IST1: variants seen among roughly 807,000 people sequenced by gnomAD.
IST1 encodes IST1 factor associated with ESCRT-III, also known as IST1 homolog.
A neutral mutation model predicts 37.0 loss-of-function variants in IST1; 23 were observed. The observed-to-expected ratio is 0.62, with a 90% CI of 0.45 to 0.88. The LOEUF (loss-of-function observed/expected upper bound fraction) is 0.88. IST1 is among the 40% of genes least tolerant of loss of function. The pLI, the probability that IST1 is intolerant of heterozygous loss-of-function variation, is 0.00. For synonymous variants in IST1, 180 were observed against 161.7 expected, an observed-to-expected ratio of 1.11 and a Z score of -0.86; for missense variants, 488 against 445.4, an observed-to-expected ratio of 1.10 and a Z score of -0.86.
intron 2 of IST1, 59 bp from the exon 3 acceptor site, chr16:71,916,403 C>T (rs1204978640): frequency 3.9e-6 from 6 of 1,554,992 alleles, no homozygotes; most frequent in Non-Finnish European, 5.3e-6. Flanking sequence ...GGAGATTGGC[C>T]TGTAGGCCAG....
intron 1 of IST1, 30 bp downstream of exon 1, chr16:71,895,619 C>T (rs2142509140): frequency 1.1e-6 from 1 of 870,004 alleles, no homozygotes; most frequent in Non-Finnish European, 1.4e-6. Flanking sequence ...CGTCAGAGGT[C>T]TCTGTCTTCC....
chr16:71,921,500 CCTT>C lies in IST1; in HGVS notation c.552+51_552+53del. Reference sequence around the variant, plus strand: ...AAGAAAAATGAGTTTGTAGGTATGACCTTCTTTGGAAAACAAAAAAAACATTCT... The same window carrying C: ...AAGAAAAATGAGTTTGTAGGTATGACCTTTGGAAAACAAAAAAAACATTCT... On this transcript the variant is annotated intron_variant, in intron 6 of 9. Coordinates refer to ENST00000378799, the MANE Select transcript of IST1 (RefSeq NM_001270975.2). The C allele has an allele frequency of 5.5e-6, 6 of 1,090,992 alleles. 1 individual carries two copies. The highest frequency in any genetic ancestry group is 8.1e-6 in the Non-Finnish European group (6 of 739,740). The allele number at this position is 1,090,992 out of a possible 1,614,324, so 67.6% of individuals were successfully genotyped here.
Position 71,915,628 on chromosome 16 carries a change from G to A in IST1, c.-13G>A, listed in dbSNP as rs1178569820. 1 of 1,599,180 alleles carries A rather than the reference G, an allele frequency of 6.3e-7. No homozygotes were observed. On this transcript the variant is annotated splice_region_variant and 5_prime_UTR_variant, in exon 2 of 10. Coordinates refer to ENST00000378799, the MANE Select transcript of IST1 (RefSeq NM_001270975.2). ...CATTGTGCTTCTTCTGTTTCTAGGA[G>A]GAACAGCACAGCATGCTGGGCTCTG...
intron 1 of IST1, among the ~76,000 whole-genome samples, chr16:71,913,170 G>A (rs1567467124): frequency 6.6e-6 from 1 of 152,014 alleles, no homozygotes; most frequent in Non-Finnish European, 1.5e-5. Flanking sequence ...TTTAATTTTT[G>A]AGGAACCGCC....
chr16:71,910,601 G>A (rs573097504), intron 1 of IST1, among the ~76,000 whole-genome samples: 1 of 137,646 alleles, frequency 7.3e-6, no homozygotes, highest in East Asian at 2.1e-4. Context: ...GCAAGACTCT[G>A]TCTCAAAAAA....
chr16:71,904,510 T>G (rs2037177558), intron 1 of IST1, among the ~76,000 whole-genome samples: 2 of 152,208 alleles, frequency 1.3e-5, no homozygotes, highest in Non-Finnish European at 2.9e-5. Flanking sequence ...CCTCCTGGGC[T>G]TAAGCAGTTC....
chr16:71,897,485 A>G (rs924209252), intron 1 of IST1, among the ~76,000 whole-genome samples: 1 of 152,170 alleles, frequency 6.6e-6, no homozygotes, highest in African/African-American at 2.4e-5. Context: ...TTCTTGTAAG[A>G]TAATCAGAAT....
rs1258102401 is a variant in IST1 at position 71,928,151 on chromosome 16, A to G, written c.*338A>G. ...GGGAAGCACTGTGGGAAGACCACCA[A>G]AGATGGCTGGACAGTGGGAGAGAGC... On this transcript the variant is annotated 3_prime_UTR_variant, in exon 10 of 10. Transcript: ENST00000378799. 2 of 332,520 alleles carry G rather than the reference A, an allele frequency of 6.0e-6. No homozygotes were observed. Among genetic ancestry groups the G allele is most frequent in the Non-Finnish European group, 1.2e-5 (2 of 173,706 alleles). The allele number at this position is 332,520 out of a possible 1,614,324, so 20.6% of individuals were successfully genotyped here.
At chr16:71,898,337 AC>A (rs2037022710) in intron 1 of IST1, among the ~76,000 whole-genome samples, 1 of 141,532 alleles carries the variant, frequency 7.1e-6, no homozygotes, top group Non-Finnish European at 1.5e-5. Flanking sequence ...AGATTGCACC[AC>A]CTGCCTGGTG....
chr16:71,926,273 C>T (rs1433468219), intron 9 of IST1, among the ~76,000 whole-genome samples: 1 of 151,858 alleles, frequency 6.6e-6, no homozygotes, highest in East Asian at 1.9e-4. Flanking sequence ...CAGAGTGAGA[C>T]TTTGTCTAAA....
chr16:71,920,197 A>G (rs1208758708), intron 4 of IST1, among the ~76,000 whole-genome samples: 1 of 152,232 alleles, frequency 6.6e-6, no homozygotes, highest in Non-Finnish European at 1.5e-5. Context: ...AACATTCCCA[A>G]ATAAGGAAGG....
At position 71,928,694 on chromosome 16, in the gene IST1, G is replaced by C. The variant is rs1448770100; in HGVS notation, c.*881G>C. 6.6e-6 allele frequency: 1 copy of C among 152,592 alleles called. No homozygotes were observed. Among genetic ancestry groups the C allele is most frequent in the Non-Finnish European group, 1.5e-5 (1 of 68,038 alleles). 9.5% of individuals were successfully genotyped at this position (152,592 alleles called of 1,614,324 possible). On this transcript the variant is annotated 3_prime_UTR_variant, in exon 10 of 10. Coordinates refer to ENST00000378799, the MANE Select transcript of IST1 (RefSeq NM_001270975.2). ...AGCCTACAGGAAAAGAGGGGTACCT[G>C]TTTTCATTTGAAAACTTTGATTCAT...
At chr16:71,924,397 C>T (rs1314415304) in intron 8 of IST1, 31 of 387,312 alleles carry the variant, frequency 8.0e-5, no homozygotes, top group Non-Finnish European at 1.3e-4. Context: ...TCGAGACCAG[C>T]CTGGGCAACA....
intron 1 of IST1, chr16:71,903,161 G>A (rs1414743108): frequency 6.6e-6 from 1 of 151,926 alleles, no homozygotes; most frequent in Non-Finnish European, 1.5e-5. Flanking sequence ...TAATTTTTTT[G>A]TAGAGAATGG....
chr16:71,909,762 A>T (rs917534091), intron 1 of IST1, among the ~76,000 whole-genome samples: 1 of 152,216 alleles, frequency 6.6e-6, no homozygotes, highest in African/African-American at 2.4e-5. Flanking sequence ...GCCTTAGGTT[A>T]TCCTTCTCTT....
rs1352214353 is a variant in IST1, at chr16:71,916,628, T to C, written c.255T>C (p.Leu85=). 1 of 1,613,106 alleles carries C rather than the reference T, an allele frequency of 6.2e-7. No individual in the cohort carries two copies. The highest frequency in any genetic ancestry group is 1.3e-5 in the African/African-American group (1 of 75,022). Reference sequence around the variant, plus strand: ...ACCTGCTGCTGGCTCGGTTTGGCCTTATCCAGTCTATGAAGTAAGATATTT... The same window carrying C: ...ACCTGCTGCTGGCTCGGTTTGGCCTCATCCAGTCTATGAAGTAAGATATTT... ...YCDLLLARFG[L]IQSMKELDSG... is the part of the protein sequence containing the mutation. Residue 85 remains leucine, a synonymous_variant, in exon 3 of 10, where the codon CTT becomes CTC. Transcript: ENST00000378799.
At chr16:71,895,327 C>T (rs3812990), upstream of IST1, 913 of 158,314 alleles carry the variant, frequency 5.8e-3, 1 homozygote, top group East Asian at 0.033. Context: ...TGGCGCTTCC[C>T]CCAACGTCTG....
chr16:71,930,151 A>C lies in IST1; in HGVS notation c.*2338A>C, dbSNP rs1039315509. ...TCAAGATGACACTGGTGAGGATCAG[A>C]AAGGTGCCCAGGACTGGGTCTAAAG... On this transcript the variant is annotated 3_prime_UTR_variant, in exon 10 of 10. Transcript: ENST00000378799. The C allele has an allele frequency of 1.9e-6, 3 of 1,551,476 alleles. No homozygotes were observed. The highest frequency in any genetic ancestry group is 1.7e-4 in the Middle Eastern group (1 of 5,994).
intron 7 of IST1, 143 bp downstream of exon 7, chr16:71,922,823 G>A (rs181725866): frequency 4.6e-5 from 31 of 674,798 alleles, no homozygotes; most frequent in African/African-American, 4.0e-4. Context: ...CATCTTGTGG[G>A]GAAAAAACAC....
Sources: gnomAD v4.1 joint callset for allele counts (sites outside exome capture counted in the v4.1 genomes callset) on GRCh38, gnomAD v4.1.1 for gene constraint, MANE v1.5 for transcripts, NCBI Gene and HGNC (gene_info 2026-07-23, HGNC 2026-07-21) for gene names.